ZFAND3: variants seen among roughly 807,000 people sequenced by gnomAD.
ZFAND3 encodes the protein AN1-type zinc finger protein 3.
ZFAND3 carries 10 observed loss-of-function variants against 29.6 expected under a neutral mutation model. The observed-to-expected ratio is 0.34, with a 90% CI of 0.21 to 0.57. The LOEUF is 0.57. ZFAND3 is among the 20% of genes least tolerant of loss of function. ZFAND3 has a pLI of 0.86. For synonymous variants in ZFAND3, 128 were observed against 112.6 expected (o/e 1.14, Z -0.87); for missense variants, 230 against 304.5 (o/e 0.76, Z 1.82).
At position 38,080,408 on chromosome 6, in the gene ZFAND3, A is replaced by G. The variant is rs139336695; in HGVS notation, c.296-1984A>G. Among the ~76,000 whole-genome samples, 574 of 152,216 alleles carry G rather than the reference A, an allele frequency of 3.8e-3. 3 individuals are homozygous for G. Among genetic ancestry groups the G allele is most frequent in the Middle Eastern group, 0.014 (4 of 294 alleles). The stretch of plus-strand genomic sequence containing the variant: ...TTAAGCATTCACTGTCTATGTAGCA[A>G]TGACCCAACAGTAGATAACAGTGTG... On this transcript the variant is annotated intron_variant, in intron 3 of 5. Coordinates refer to ENST00000287218, the MANE Select transcript of ZFAND3 (RefSeq NM_021943.3).
At chr6:38,028,528 C>G (rs562861437) in intron 2 of ZFAND3, among the ~76,000 whole-genome samples, 1 of 151,938 alleles carries the variant, frequency 6.6e-6, no homozygotes, top group South Asian at 2.1e-4. Flanking sequence ...ATTGTCTAGT[C>G]AAGATGTCCT....
chr6:38,088,053 T>C (rs551561534), intron 4 of ZFAND3, among the ~76,000 whole-genome samples: 9 of 152,346 alleles, frequency 5.9e-5, no homozygotes, highest in African/African-American at 2.2e-4. Context: ...ATACCTACAC[T>C]TATGTGTTTT....
chr6:37,943,922 T>C (rs1392208908), intron 2 of ZFAND3, among the ~76,000 whole-genome samples: 1 of 152,222 alleles, frequency 6.6e-6, no homozygotes, highest in Non-Finnish European at 1.5e-5. Flanking sequence ...TGTTACATGC[T>C]ATATTAGTAA....
intron 1 of ZFAND3, among the ~76,000 whole-genome samples, chr6:37,854,976 T>G (rs1244629239): frequency 1.4e-5 from 2 of 138,536 alleles, no homozygotes; most frequent in Admixed American, 7.2e-5. Context: ...TTTTTTTTTT[T>G]TTTTTTTTTT....
chr6:38,138,046 C>T (rs1347181235), intron 5 of ZFAND3, among the ~76,000 whole-genome samples: 1 of 152,084 alleles, frequency 6.6e-6, no homozygotes, highest in Non-Finnish European at 1.5e-5. Flanking sequence ...GGCACGGTAA[C>T]TCACAGCTGT....
At chr6:37,845,949 T>G (rs1764169534) in intron 1 of ZFAND3, among the ~76,000 whole-genome samples, 1 of 152,214 alleles carries the variant, frequency 6.6e-6, no homozygotes, top group Non-Finnish European at 1.5e-5. Flanking sequence ...TTTTTGGAAT[T>G]TTAGAACTTG....
chr6:37,885,814 T>A (rs1764979402), intron 1 of ZFAND3, among the ~76,000 whole-genome samples: 1 of 152,004 alleles, frequency 6.6e-6, no homozygotes, highest in African/African-American at 2.4e-5. Flanking sequence ...GCAGAAAAAG[T>A]CAGTATACTT....
chr6:38,131,299 G>GT (rs1207509593), intron 5 of ZFAND3, among the ~76,000 whole-genome samples: 1 of 151,784 alleles, frequency 6.6e-6, no homozygotes, highest in Non-Finnish European at 1.5e-5. Flanking sequence ...GTTTCATTTA[G>GT]TTTTACTCTG....
chr6:38,102,504 C>A (rs902239653), intron 4 of ZFAND3, among the ~76,000 whole-genome samples: 4 of 152,150 alleles, frequency 2.6e-5, no homozygotes, highest in African/African-American at 9.7e-5. Flanking sequence ...ATTAGGTTAA[C>A]CCCTGGGCAA....
At chr6:38,136,576 G>A (rs1765845364) in intron 5 of ZFAND3, among the ~76,000 whole-genome samples, 1 of 152,240 alleles carries the variant, frequency 6.6e-6, no homozygotes, top group Non-Finnish European at 1.5e-5. Context: ...TTCTTTGTTA[G>A]TATTAAATAC....
intron 4 of ZFAND3, among the ~76,000 whole-genome samples, chr6:38,083,002 C>G (rs1764692617): frequency 6.6e-6 from 1 of 152,136 alleles, no homozygotes; most frequent in Admixed American, 6.6e-5. Flanking sequence ...CTCTAAAGAG[C>G]AGTCAGAATG....
chr6:38,066,157 G>A (rs762508537), intron 3 of ZFAND3, among the ~76,000 whole-genome samples: 1 of 152,214 alleles, frequency 6.6e-6, no homozygotes. Context: ...GAGTGAGGAA[G>A]ATGTGTGCCA....
At chr6:37,979,938 A>G (rs988860086) in intron 2 of ZFAND3, among the ~76,000 whole-genome samples, 3 of 152,218 alleles carry the variant, frequency 2.0e-5, no homozygotes, top group African/African-American at 4.8e-5. Flanking sequence ...TTAAAAAATT[A>G]TTTAGTTTCT....
At chr6:38,045,084 T>TGA (rs1203126618) in intron 2 of ZFAND3, among the ~76,000 whole-genome samples, 6 of 149,294 alleles carry the variant, frequency 4.0e-5, no homozygotes, top group African/African-American at 1.5e-4. Flanking sequence ...ATTTATTTAT[T>TGA]TATTTATTTA....
chr6:38,048,898 CAAT>C (rs1763964040), intron 2 of ZFAND3, among the ~76,000 whole-genome samples: 3 of 152,130 alleles, frequency 2.0e-5, no homozygotes, highest in Admixed American at 2.0e-4. Flanking sequence ...TATGCAGAAT[CAAT>C]AATGCAGTTT....
Position 38,026,355 on chromosome 6 carries a change from C to T in ZFAND3, c.113-35238C>T, listed in dbSNP as rs115095965. Among the ~76,000 whole-genome samples the T allele has an allele frequency of 9.6e-3, 1,444 of 150,148 alleles. 15 individuals carry two copies. Among genetic ancestry groups the T allele is most frequent in the African/African-American group, 0.033 (1,334 of 40,846 alleles). On this transcript the variant is annotated intron_variant, in intron 2 of 5. Coordinates refer to ENST00000287218, the MANE Select transcript of ZFAND3 (RefSeq NM_021943.3). ...TATATAAGGTCTCAGAGGATGATTA[C>T]TTAGCCTTGACATTCTACATTACAT...
At chr6:38,090,791 T>C (rs1179388192) in intron 4 of ZFAND3, among the ~76,000 whole-genome samples, 4 of 152,150 alleles carry the variant, frequency 2.6e-5, no homozygotes, top group Non-Finnish European at 5.9e-5. Flanking sequence ...TACTAATAAT[T>C]AGATGATTTG....
intron 3 of ZFAND3, among the ~76,000 whole-genome samples, chr6:38,072,136 TTC>T (rs56193979): frequency 0.038 from 5,009 of 131,564 alleles, 90 homozygotes; most frequent in Middle Eastern, 0.049. Flanking sequence ...CATTTTCTGT[TTC>T]TCTCTCTCTC....
chr6:37,998,559 A>C (rs1762892033), intron 2 of ZFAND3, among the ~76,000 whole-genome samples: 1 of 152,192 alleles, frequency 6.6e-6, no homozygotes, highest in Admixed American at 6.5e-5. Flanking sequence ...AGAGAAAAAA[A>C]TGCTGAACTA....
Sources: gnomAD v4.1 joint callset for allele counts (sites outside exome capture counted in the v4.1 genomes callset) on GRCh38, gnomAD v4.1.1 for gene constraint, MANE v1.5 for transcripts, NCBI Gene and HGNC (gene_info 2026-07-23, HGNC 2026-07-21) for gene names.